PXN: variants seen among roughly 807,000 people sequenced by gnomAD.
PXN encodes the protein testicular tissue protein Li 134.
Under a neutral mutation model 103.6 loss-of-function variants are expected in PXN, and 61 were observed. The observed-to-expected ratio is 0.59, with a 90% CI of 0.48 to 0.73. The LOEUF (loss-of-function observed/expected upper bound fraction) is 0.73, where lower values mean the gene tolerates loss of function less well. PXN is among the 30% of genes least tolerant of loss of function. The pLI is 0.00. For synonymous variants in PXN, 562 were observed against 607.8 expected, an observed-to-expected ratio of 0.92 and a Z score of 1.11; for missense variants, 1,274 against 1,460.3, an observed-to-expected ratio of 0.87 and a Z score of 2.08.
chr12:120,230,666 C>T (rs1887838497), intron 1 of PXN, among the ~76,000 whole-genome samples: 1 of 151,934 alleles, frequency 6.6e-6, no homozygotes, highest in African/African-American at 2.4e-5. Context: ...CTCCCCCAGC[C>T]CAGAGCACAT....
chr12:120,211,837 C>A lies in PXN; in HGVS notation c.*477G>T. ...CTGCCTTTGGATGGATGGATTTATGCTGGCATTGTCTGGAGGGAGCCGGGT... is the reference window on the plus strand; with the variant it reads ...CTGCCTTTGGATGGATGGATTTATGATGGCATTGTCTGGAGGGAGCCGGGT... On this transcript the variant is annotated 3_prime_UTR_variant, in exon 15 of 15. Coordinates refer to ENST00000637617, the MANE Select transcript of PXN (RefSeq NM_001385981.1). 2.1e-6 allele frequency: 1 copy of A among 469,564 alleles called. No homozygotes were observed. The highest frequency in any genetic ancestry group is 4.3e-6 in the Non-Finnish European group (1 of 233,882). The allele number at this position is 469,564 out of a possible 1,614,324, so 29.1% of individuals were successfully genotyped here.
intron 1 of PXN, among the ~76,000 whole-genome samples, chr12:120,259,078 C>CA (rs1342868150): frequency 1.5e-4 from 21 of 137,556 alleles, no homozygotes; most frequent in Admixed American, 5.3e-4. Context: ...TCAAAACAAA[C>CA]AAACAAAAAA....
chr12:120,246,779 C>G (rs1019308890), intron 1 of PXN, among the ~76,000 whole-genome samples: 1 of 147,778 alleles, frequency 6.8e-6, no homozygotes, highest in African/African-American at 2.5e-5. Flanking sequence ...CACTTGAACC[C>G]GGGAGGCAGA....
rs770955349 is a variant in PXN, at chr12:120,214,095, T to A, written c.2830+41A>T. The A allele has an allele frequency of 6.4e-7, 1 of 1,556,852 alleles. No individual in the cohort carries two copies. The highest frequency in any genetic ancestry group is 1.9e-5 in the Admixed American group (1 of 51,460). On this transcript the variant is annotated intron_variant, in intron 13 of 14. Coordinates refer to ENST00000637617, the MANE Select transcript of PXN (RefSeq NM_001385981.1). This position sits in a 1 kb window ranked among gnomAD's most constrained non-coding sequence, Gnocchi z 5.0. ...TCTCCCACCCCCACCTCCCCGGCCC[T>A]CCTAAGAGGCGGTGGGTCAGTCCGC...
Position 120,213,483 on chromosome 12 carries a change from G to C in PXN, c.2979+359C>G, listed in dbSNP as rs578040589. Among the ~76,000 whole-genome samples the C allele has an allele frequency of 1.3e-5, 2 of 152,370 alleles. No homozygotes were observed. Among genetic ancestry groups the C allele is most frequent in the Non-Finnish European group, 1.5e-5 (1 of 68,036 alleles). ...CCTTGTTGAATCATTAATAACCCCT[G>C]TGGGGCCCCCAGAATGCAGTGGTTT... On this transcript the variant is annotated intron_variant, in intron 14 of 14. Coordinates refer to ENST00000637617, the MANE Select transcript of PXN (RefSeq NM_001385981.1). The surrounding 1 kb of genome is among the most constrained non-coding windows in gnomAD (Gnocchi z 4.2).
intron 1 of PXN, among the ~76,000 whole-genome samples, chr12:120,247,028 TA>T (rs1029108604): frequency 2.0e-5 from 3 of 149,282 alleles, no homozygotes; most frequent in African/African-American, 7.5e-5. Flanking sequence ...CCTGTCTCTA[TA>T]AAAAAAAATT....
intron 1 of PXN, among the ~76,000 whole-genome samples, chr12:120,230,914 C>A (rs1269988939): frequency 1.3e-5 from 2 of 152,150 alleles, no homozygotes; most frequent in African/African-American, 4.8e-5. Context: ...AATTTGGGTT[C>A]TTGTCAACTG....
chr12:120,214,102 A>G lies in PXN; in HGVS notation c.2830+34T>C. 6.4e-7 allele frequency: 1 copy of G among 1,555,964 alleles called. No homozygotes were observed. The highest frequency in any genetic ancestry group is 8.7e-7 in the Non-Finnish European group (1 of 1,149,858). On this transcript the variant is annotated intron_variant, in intron 13 of 14. Coordinates refer to ENST00000637617, the MANE Select transcript of PXN (RefSeq NM_001385981.1). The surrounding 1 kb of genome is among the most constrained non-coding windows in gnomAD (Gnocchi z 5.0). ...CCCCCACCTCCCCGGCCCTCCTAAG[A>G]GGCGGTGGGTCAGTCCGCCGGTCCA... is the stretch of plus-strand genomic sequence containing the variant.
intron 1 of PXN, chr12:120,226,192 G>C: frequency 8.1e-7 from 1 of 1,227,454 alleles, no homozygotes; most frequent in Non-Finnish European, 1.0e-6. Flanking sequence ...ATTTCCTCTG[G>C]GCCCAATCAG....
At chr12:120,245,696 G>A (rs1594490626) in intron 1 of PXN, among the ~76,000 whole-genome samples, 2 of 150,696 alleles carry the variant, frequency 1.3e-5, no homozygotes, top group South Asian at 2.1e-4. Context: ...GCTGAGGCAG[G>A]AGAATGGCGT....
chr12:120,220,742 A>G lies in PXN; in HGVS notation c.832-651T>C, dbSNP rs1423460840. On this transcript the variant is annotated intron_variant, in intron 6 of 14. Transcript: ENST00000637617. This position sits in a 1 kb window ranked among gnomAD's most constrained non-coding sequence, Gnocchi z 6.1. The stretch of plus-strand genomic sequence containing the variant: ...TATAGCACGCAAGGGTCACAGGGCC[A>G]GGCTCAACCCTCCACCCCAGCCACA... Among the ~76,000 whole-genome samples, 4 of 152,128 alleles carry G rather than the reference A, an allele frequency of 2.6e-5. No homozygotes were observed. Among genetic ancestry groups the G allele is most frequent in the African/African-American group, 7.2e-5 (3 of 41,420 alleles).
rs1450649910 is a variant in PXN at position 120,216,213 on chromosome 12, G to T, written c.2301+60C>A. On this transcript the variant is annotated intron_variant, in intron 9 of 14. Transcript: ENST00000637617. The surrounding 1 kb of genome is among the most constrained non-coding windows in gnomAD (Gnocchi z 5.1). ...GTGTGCACGTGTGTGTGTGCAGAGT[G>T]GGGGATGGCTCAGGCATTAGGACAG... is the stretch of plus-strand genomic sequence containing the variant. 1.6e-6 allele frequency: 2 copies of T among 1,269,916 alleles called. No homozygotes were observed. Among genetic ancestry groups the T allele is most frequent in the Non-Finnish European group, 2.0e-6 (2 of 1,011,382 alleles). 78.7% of individuals were successfully genotyped at this position (1,269,916 alleles called of 1,614,324 possible). A position where few individuals can be genotyped will look rare whatever the true frequency, so the allele number is the denominator to read the frequency against.
At chr12:120,240,391 G>C (rs936410557) in intron 1 of PXN, among the ~76,000 whole-genome samples, 1 of 152,148 alleles carries the variant, frequency 6.6e-6, no homozygotes, top group African/African-American at 2.4e-5. Flanking sequence ...GCTCTGACAG[G>C]TGTCAGTTAG....
At position 120,216,044 on chromosome 12, in the gene PXN, A is replaced by T. The variant is rs780039308; in HGVS notation, c.2301+229T>A. Reference sequence around the variant, plus strand: ...AGTACTGAGGACCAGTCGAGGAAGGAGCAGACATGGGTGGACCCACAGAAA... The same window carrying T: ...AGTACTGAGGACCAGTCGAGGAAGGTGCAGACATGGGTGGACCCACAGAAA... On this transcript the variant is annotated intron_variant, in intron 9 of 14. Coordinates refer to ENST00000637617, the MANE Select transcript of PXN (RefSeq NM_001385981.1). The surrounding 1 kb of genome is among the most constrained non-coding windows in gnomAD (Gnocchi z 5.1). 7.5e-7 allele frequency: 1 copy of T among 1,324,798 alleles called. No individual in the cohort carries two copies. Among genetic ancestry groups the T allele is most frequent in the South Asian group, 2.4e-5 (1 of 42,188 alleles). The allele number at this position is 1,324,798 out of a possible 1,614,324, so 82.1% of individuals were successfully genotyped here. A position where few individuals can be genotyped will look rare whatever the true frequency, so the allele number is the denominator to read the frequency against.
intron 1 of PXN, among the ~76,000 whole-genome samples, chr12:120,243,489 A>G (rs1890512859): frequency 1.3e-5 from 2 of 152,212 alleles, no homozygotes; most frequent in African/African-American, 4.8e-5. Context: ...CAGAAATTTG[A>G]GACCAGACTG....
rs373525178 is a variant in PXN, at chr12:120,223,726, G to T, written c.348C>A (p.His116Gln). The change falls in exon 3 of 15, where the codon CAC becomes CAA. Residue 116 changes from histidine (H) to glutamine (Q), a missense_variant. By Grantham distance (24) the His-to-Gln change is conservative. Coordinates refer to ENST00000637617, the MANE Select transcript of PXN (RefSeq NM_001385981.1). ...GCAGACTGGGGCAGTACCTGTAGAC[G>T]TGCTCCTCCTCACCCACTCGGGAGC... ...SPCSRVGEEEHVYSFPNKQKS... is the reference protein window; with the variant it reads ...SPCSRVGEEEQVYSFPNKQKS... 8 of 1,589,896 alleles carry T rather than the reference G, an allele frequency of 5.0e-6. No individual in the cohort carries two copies. Among genetic ancestry groups the T allele is most frequent in the South Asian group, 1.1e-5 (1 of 87,424 alleles).
Position 120,212,501 on chromosome 12 carries a change from C to A in PXN, c.3059G>T (p.Arg1020Leu). Residue 1020 changes from arginine (R) to leucine (L), a missense_variant, in exon 15 of 15, where the codon CGG becomes CTG. Arg to Leu is a moderately radical substitution (Grantham distance 102). Transcript: ENST00000637617. This position sits in a 1 kb window ranked among gnomAD's most constrained non-coding sequence, Gnocchi z 7.2. The stretch of plus-strand genomic sequence containing the variant: ...GCAGCCAGAACACAGCGAGCCGCGC[C>A]GCTCGTGGTAGTGCACCTCACAGTA... ...QPYCEVHYHE[R>L]RGSLCSGCQK... 1 of 1,613,888 alleles carries A rather than the reference C, an allele frequency of 6.2e-7. No homozygotes were observed. The highest frequency in any genetic ancestry group is 8.5e-7 in the Non-Finnish European group (1 of 1,179,876).
Position 120,217,251 on chromosome 12 carries a change from G to T in PXN, c.1717-135C>A. ...AAGAACCAAGCGGAGGTGGGTGGAG[G>T]CACGGGGAGGGGGCAGATTGGACCG... On this transcript the variant is annotated intron_variant, in intron 7 of 14. Coordinates refer to ENST00000637617, the MANE Select transcript of PXN (RefSeq NM_001385981.1). This position sits in a 1 kb window ranked among gnomAD's most constrained non-coding sequence, Gnocchi z 4.1. 1 of 745,448 alleles carries T rather than the reference G, an allele frequency of 1.3e-6. No individual in the cohort carries two copies. Among genetic ancestry groups the T allele is most frequent in the Non-Finnish European group, 2.2e-6 (1 of 448,272 alleles). The allele number at this position is 745,448 out of a possible 1,614,324, so 46.2% of individuals were successfully genotyped here.
At position 120,212,019 on chromosome 12, in the gene PXN, G is replaced by T. The variant is rs1221367266; in HGVS notation, c.*295C>A. On this transcript the variant is annotated 3_prime_UTR_variant, in exon 15 of 15. Coordinates refer to ENST00000637617, the MANE Select transcript of PXN (RefSeq NM_001385981.1). This position sits in a 1 kb window ranked among gnomAD's most constrained non-coding sequence, Gnocchi z 7.2. ...CCAGTGTGGGGTGCTGGCCAGGCCA[G>T]TTCGTGGGGACGTACATGGGCTGGG... is the stretch of plus-strand genomic sequence containing the variant. 1.5e-6 allele frequency: 1 copy of T among 652,356 alleles called. No homozygotes were observed. Among genetic ancestry groups the T allele is most frequent in the Non-Finnish European group, 2.9e-6 (1 of 346,106 alleles). 40.4% of individuals were successfully genotyped at this position (652,356 alleles called of 1,614,324 possible). A position where few individuals can be genotyped will look rare whatever the true frequency, so the allele number is the denominator to read the frequency against.
Sources: allele counts gnomAD v4.1 joint callset (sites outside exome capture counted in the v4.1 genomes callset), GRCh38; gene constraint gnomAD v4.1.1; non-coding constraint Gnocchi (gnomAD v3.1); transcripts MANE v1.5; gene names NCBI Gene and HGNC (gene_info 2026-07-23, HGNC 2026-07-21).